The following NDRG3 variants were observed in gnomAD, a reference collection of about 807,000 sequenced individuals.
NDRG3 encodes protein NDRG3.
A neutral mutation model predicts 57.2 loss-of-function variants in NDRG3; 23 were observed. The observed-to-expected ratio is 0.40, with a 90% CI of 0.29 to 0.57. The LOEUF (loss-of-function observed/expected upper bound fraction) is 0.57, where lower values mean the gene tolerates loss of function less well. NDRG3 is among the 20% of genes least tolerant of loss of function. The pLI, the probability that NDRG3 is intolerant of heterozygous loss-of-function variation, is 0.42. For synonymous variants in NDRG3, 132 were observed against 162.6 expected (o/e 0.81, Z 1.43); for missense variants, 384 against 457.3 (o/e 0.84, Z 1.46).
intron 8 of NDRG3, among the ~76,000 whole-genome samples, chr20:36,672,033 T>C (rs940161564): frequency 1.3e-5 from 2 of 152,190 alleles, no homozygotes; most frequent in Non-Finnish European, 2.9e-5. Flanking sequence ...TGTATTTCTG[T>C]ATTTACACTG....
chr20:36,710,220 G>A (rs946689187), intron 2 of NDRG3, among the ~76,000 whole-genome samples: 4 of 152,016 alleles, frequency 2.6e-5, no homozygotes, highest in Non-Finnish European at 5.9e-5. Flanking sequence ...GCTACTTGAG[G>A]GGCTGAGGTG....
chr20:36,675,535 C>T lies in NDRG3; in HGVS notation c.532-4138G>A, dbSNP rs147859539. On this transcript the variant is annotated intron_variant, in intron 8 of 15. Coordinates refer to ENST00000349004, the MANE Select transcript of NDRG3 (RefSeq NM_032013.4). Reference sequence around the variant, plus strand: ...CCGAGTAGCTGGGATTATAGGCATGCGCCACCATGCCTGGCACATTTTGTA... The same window carrying T: ...CCGAGTAGCTGGGATTATAGGCATGTGCCACCATGCCTGGCACATTTTGTA... 5.2e-3 allele frequency among the ~76,000 whole-genome samples: 784 copies of T among 151,686 alleles called. 10 individuals carry two copies. The highest frequency in any genetic ancestry group is 0.018 in the African/African-American group (736 of 41,358).
chr20:36,653,809 T>C lies in NDRG3; in HGVS notation c.947-108A>G. On this transcript the variant is annotated intron_variant, in intron 15 of 15. Coordinates refer to ENST00000349004, the MANE Select transcript of NDRG3 (RefSeq NM_032013.4). The surrounding 1 kb of genome is among the most constrained non-coding windows in gnomAD (Gnocchi z 4.2). ...TTTAGCTTTTCCGACTCATTTACCA[T>C]GACACCCAGGACAAGATATAGCCAT... The C allele has an allele frequency of 9.8e-7, 1 of 1,020,222 alleles. No individual in the cohort carries two copies. Among genetic ancestry groups the C allele is most frequent in the Admixed American group, 2.4e-5 (1 of 42,536 alleles). 63.2% of individuals were successfully genotyped at this position (1,020,222 alleles called of 1,614,324 possible).
At chr20:36,663,047 G>A (rs977729597) in intron 12 of NDRG3, among the ~76,000 whole-genome samples, 22 of 152,128 alleles carry the variant, frequency 1.4e-4, no homozygotes, top group African/African-American at 5.3e-4. Flanking sequence ...AAATGCTTTT[G>A]ACAGTTTGGC....
At chr20:36,729,772 C>T (rs540038810) in intron 1 of NDRG3, among the ~76,000 whole-genome samples, 1 of 152,066 alleles carries the variant, frequency 6.6e-6, no homozygotes, top group African/African-American at 2.4e-5. Context: ...AAGCGATCCA[C>T]CCACGTCAGC....
Position 36,684,399 on chromosome 20 carries a change from C to T in NDRG3, c.383+14G>A, listed in dbSNP as rs1981595888. Reference sequence around the variant, plus strand: ...TCAATAAAAACTGCATGAAAGACTGCAGAATGAACCTACCTTAGGTGGGTA... The same window carrying T: ...TCAATAAAAACTGCATGAAAGACTGTAGAATGAACCTACCTTAGGTGGGTA... On this transcript the variant is annotated intron_variant, in intron 6 of 15. Transcript: ENST00000349004. 5.6e-6 allele frequency: 9 copies of T among 1,609,646 alleles called. No individual in the cohort carries two copies. Among genetic ancestry groups the T allele is most frequent in the Non-Finnish European group, 7.7e-6 (9 of 1,176,112 alleles).
intron 1 of NDRG3, among the ~76,000 whole-genome samples, chr20:36,733,172 AT>A (rs1400680484): frequency 0.065 from 745 of 11,422 alleles, 33 homozygotes; most frequent in African/African-American, 0.14. Flanking sequence ...AAAAAAAAAA[AT>A]ATATATATAT....
intron 12 of NDRG3, among the ~76,000 whole-genome samples, chr20:36,664,838 C>T (rs556039609): frequency 6.6e-6 from 1 of 151,978 alleles, no homozygotes; most frequent in South Asian, 2.1e-4. Flanking sequence ...TACAGGCTGT[C>T]ACCATGCCAG....
Position 36,746,026 on chromosome 20 carries a change from G to C in NDRG3, c.-49+19C>G. 3.1e-6 allele frequency: 1 copy of C among 325,402 alleles called. No individual in the cohort carries two copies. The highest frequency in any genetic ancestry group is 5.6e-6 in the Non-Finnish European group (1 of 178,940). The allele number at this position is 325,402 out of a possible 1,614,324, so 20.2% of individuals were successfully genotyped here. A position where few individuals can be genotyped will look rare whatever the true frequency, so the allele number is the denominator to read the frequency against. ...GGCGCCGCGCGCCCCCCGCGGGCCG[G>C]GCGGAGGCGCTCACTCACCTGAGGC... On this transcript the variant is annotated intron_variant, in intron 1 of 15. Coordinates refer to ENST00000349004, the MANE Select transcript of NDRG3 (RefSeq NM_032013.4).
At chr20:36,714,833 G>A (rs1380004727) in intron 2 of NDRG3, among the ~76,000 whole-genome samples, 1 of 150,668 alleles carries the variant, frequency 6.6e-6, no homozygotes, top group Admixed American at 6.6e-5. Flanking sequence ...GGCTGGTCTC[G>A]AACTCCCGAC....
At chr20:36,676,487 G>A (rs1016485395) in intron 8 of NDRG3, among the ~76,000 whole-genome samples, 4 of 151,790 alleles carry the variant, frequency 2.6e-5, no homozygotes, top group East Asian at 1.9e-4. Flanking sequence ...TTTTTGAGAC[G>A]GAGTTTTGCT....
At chr20:36,654,170 G>A (rs1354760997) in intron 15 of NDRG3, among the ~76,000 whole-genome samples, 4 of 152,200 alleles carry the variant, frequency 2.6e-5, no homozygotes, top group Admixed American at 2.6e-4. Flanking sequence ...TTGCTACCAG[G>A]GAGGAGATTT....
At chr20:36,712,392 T>C (rs1983940078) in intron 2 of NDRG3, among the ~76,000 whole-genome samples, 3 of 143,044 alleles carry the variant, frequency 2.1e-5, no homozygotes, top group South Asian at 2.1e-4. Context: ...TTTTTCTTTT[T>C]CTTTTTTTTT....
chr20:36,686,936 C>T (rs958929724), intron 5 of NDRG3, among the ~76,000 whole-genome samples: 13 of 152,100 alleles, frequency 8.5e-5, no homozygotes, highest in Middle Eastern at 6.8e-3. Flanking sequence ...GGCACTGCAG[C>T]CTCAATCCCC....
At chr20:36,733,166 AAAAAAATAT>A (rs1245129984) in intron 1 of NDRG3, among the ~76,000 whole-genome samples, 5 of 77,672 alleles carry the variant, frequency 6.4e-5, no homozygotes, top group African/African-American at 2.1e-4. Context: ...AAAAAAAAAA[AAAAAAATAT>A]ATATATATAT....
chr20:36,671,750 C>T (rs969328154), intron 8 of NDRG3, among the ~76,000 whole-genome samples: 28 of 147,338 alleles, frequency 1.9e-4, no homozygotes, highest in Admixed American at 4.2e-4. Context: ...TGCAGTGAGC[C>T]GAGATTGCGC....
chr20:36,738,555 G>A (rs1003771597), intron 1 of NDRG3, among the ~76,000 whole-genome samples: 1 of 151,918 alleles, frequency 6.6e-6, no homozygotes, highest in Non-Finnish European at 1.5e-5. Flanking sequence ...AGGCATAGTG[G>A]CTCACGCCTG....
intron 1 of NDRG3, among the ~76,000 whole-genome samples, chr20:36,735,322 G>C (rs1007718304): frequency 6.6e-6 from 1 of 152,162 alleles, no homozygotes; most frequent in Non-Finnish European, 1.5e-5. Flanking sequence ...TCGGATTTTA[G>C]ATTTTCAGAT....
At chr20:36,699,301 T>C (rs1416723324) in intron 3 of NDRG3, among the ~76,000 whole-genome samples, 2 of 152,166 alleles carry the variant, frequency 1.3e-5, no homozygotes, top group Non-Finnish European at 2.9e-5. Context: ...TTTAGAACTT[T>C]GTTTCCTTCT....
Sources: allele counts gnomAD v4.1 joint callset (sites outside exome capture counted in the v4.1 genomes callset), GRCh38; gene constraint gnomAD v4.1.1; non-coding constraint Gnocchi (gnomAD v3.1); transcripts MANE v1.5; gene names NCBI Gene and HGNC (gene_info 2026-07-23, HGNC 2026-07-21).